Variants in CADPS2 observed in about 807,000 individuals in gnomAD.
CADPS2 encodes the protein calcium-dependent secretion activator 2.
A neutral mutation model predicts 172.5 loss-of-function variants in CADPS2; 93 were observed. The ratio of observed to expected loss-of-function variants is 0.54; its 90% confidence interval spans 0.46 to 0.64. The LOEUF is 0.64. Among genes scored for constraint, CADPS2 ranks in the 30% least tolerant of loss-of-function variants. The pLI is 0.00. For synonymous variants in CADPS2, 546 were observed against 555.2 expected (o/e 0.98, Z 0.23); for missense variants, 1,420 against 1,565.9 (o/e 0.91, Z 1.57).
chr7:122,480,047 C>T lies in CADPS2; in HGVS notation c.1861+805G>A, dbSNP rs1009170260. On this transcript the variant is annotated intron_variant, in intron 12 of 29. Coordinates refer to ENST00000449022, the MANE Select transcript of CADPS2 (RefSeq NM_017954.11). ...TGCACTGCATTTTGGTTGGAGAGAA[C>T]AAAGTACAGTTTAACCAAAGAATGT... 6.8e-5 allele frequency: 32 copies of T among 467,478 alleles called. No homozygotes were observed. The Admixed American group carries it at 7.6e-4, about 11-fold the overall frequency. 29.0% of individuals were successfully genotyped at this position (467,478 alleles called of 1,614,324 possible).
At chr7:122,808,807 G>A (rs1048620228) in intron 1 of CADPS2, among the ~76,000 whole-genome samples, 1 of 152,194 alleles carries the variant, frequency 6.6e-6, no homozygotes, top group East Asian at 1.9e-4. Flanking sequence ...ACTATCACTA[G>A]ATTGGTTACT....
chr7:122,367,469 G>A (rs1452691568), intron 25 of CADPS2, among the ~76,000 whole-genome samples: 1 of 150,688 alleles, frequency 6.6e-6, no homozygotes, highest in Non-Finnish European at 1.5e-5. Flanking sequence ...GCCCTGTTCA[G>A]CAGTGCTTTC....
intron 1 of CADPS2, among the ~76,000 whole-genome samples, chr7:122,818,535 A>G (rs71585570): frequency 6.6e-6 from 1 of 151,948 alleles, no homozygotes; most frequent in Non-Finnish European, 1.5e-5. Context: ...CCCAAGCATC[A>G]CTGAGTCTTT....
At chr7:122,748,262 C>G (rs1187567269) in intron 1 of CADPS2, among the ~76,000 whole-genome samples, 5 of 152,102 alleles carry the variant, frequency 3.3e-5, no homozygotes, top group Admixed American at 3.3e-4. Context: ...AGTTCATGGA[C>G]AGACTCAATG....
At chr7:122,638,908 C>T (rs1156881699) in intron 3 of CADPS2, among the ~76,000 whole-genome samples, 2 of 152,202 alleles carry the variant, frequency 1.3e-5, no homozygotes, top group Non-Finnish European at 2.9e-5. Context: ...CATGTTTACT[C>T]GTCACTATTT....
intron 3 of CADPS2, among the ~76,000 whole-genome samples, chr7:122,660,759 A>T (rs1563991631): frequency 6.6e-6 from 1 of 152,070 alleles, no homozygotes; most frequent in Non-Finnish European, 1.5e-5. Context: ...AAATACAAAA[A>T]TTAGCCAGGC....
rs182296646 is a variant in CADPS2 at position 122,797,597 on chromosome 7, T to G, written c.340-60529A>C. On this transcript the variant is annotated intron_variant, in intron 1 of 29. Transcript: ENST00000449022. ...TATCCTTAGCAAACTAATGCAGGAA[T>G]GGAAAACTAAATACCACGTTATCAT... is the stretch of plus-strand genomic sequence containing the variant. Among the ~76,000 whole-genome samples, 3 of 152,208 alleles carry G rather than the reference T, an allele frequency of 2.0e-5. No individual in the cohort carries two copies. The East Asian group carries it at 5.8e-4, about 29-fold the overall frequency.
chr7:122,483,720 G>A (rs2057528781), intron 11 of CADPS2, among the ~76,000 whole-genome samples: 2 of 151,920 alleles, frequency 1.3e-5, no homozygotes, highest in Admixed American at 6.6e-5. Context: ...AGCCAAGAGA[G>A]GAGAAATAGA....
intron 6 of CADPS2, among the ~76,000 whole-genome samples, chr7:122,603,928 T>G (rs1437240493): frequency 6.6e-6 from 1 of 152,146 alleles, no homozygotes; most frequent in African/African-American, 2.4e-5. Flanking sequence ...AGTACACATT[T>G]TCAGTTATAA....
chr7:122,758,446 C>T (rs2093255317), intron 1 of CADPS2, among the ~76,000 whole-genome samples: 1 of 152,132 alleles, frequency 6.6e-6, no homozygotes, highest in African/African-American at 2.4e-5. Context: ...AAAGCAAATG[C>T]AATCTCACAT....
chr7:122,393,960 T>C (rs1008639454), intron 20 of CADPS2, among the ~76,000 whole-genome samples: 3 of 152,218 alleles, frequency 2.0e-5, no homozygotes, highest in African/African-American at 4.8e-5. Context: ...AGAGTTACAA[T>C]CTCTGTGCTA....
At chr7:122,743,113 T>A (rs1401651982) in intron 1 of CADPS2, among the ~76,000 whole-genome samples, 1 of 152,096 alleles carries the variant, frequency 6.6e-6, no homozygotes, top group Non-Finnish European at 1.5e-5. Context: ...ATAAGGCACA[T>A]CCTATATAAA....
intron 7 of CADPS2, among the ~76,000 whole-genome samples, chr7:122,571,069 C>G (rs377074253): frequency 1.3e-5 from 2 of 151,882 alleles, no homozygotes; most frequent in Middle Eastern, 3.4e-3. Context: ...AATAACAGGA[C>G]AAGCCAAAGA....
chr7:122,758,746 A>G (rs2138650966), intron 1 of CADPS2, among the ~76,000 whole-genome samples: 1 of 152,282 alleles, frequency 6.6e-6, no homozygotes, highest in Non-Finnish European at 1.5e-5. Context: ...AGAATTAGAA[A>G]GTACTGGGTT....
intron 6 of CADPS2, among the ~76,000 whole-genome samples, chr7:122,598,663 A>G (rs2072272173): frequency 6.6e-6 from 1 of 152,128 alleles, no homozygotes; most frequent in African/African-American, 2.4e-5. Context: ...GAATATCTAT[A>G]GTTTTATAGG....
At chr7:122,664,315 C>A (rs566075492) in intron 2 of CADPS2, among the ~76,000 whole-genome samples, 3 of 152,182 alleles carry the variant, frequency 2.0e-5, no homozygotes, top group Admixed American at 2.0e-4. Flanking sequence ...CCTGATTTTA[C>A]CACCTCTGCA....
intron 2 of CADPS2, chr7:122,702,358 G>C: frequency 6.2e-7 from 1 of 1,613,814 alleles, no homozygotes; most frequent in Non-Finnish European, 8.5e-7. Context: ...TACCTTGATA[G>C]TTGTAGATGA....
chr7:122,690,619 T>C (rs1369647469), intron 2 of CADPS2, among the ~76,000 whole-genome samples: 1 of 152,174 alleles, frequency 6.6e-6, no homozygotes, highest in Non-Finnish European at 1.5e-5. Context: ...TCGTAACTGG[T>C]TGGAGAAGGT....
At chr7:122,426,949 T>A (rs10275217) in intron 17 of CADPS2, among the ~76,000 whole-genome samples, 8,126 of 152,288 alleles carry the variant, frequency 0.053, 528 homozygotes, top group African/African-American at 0.15. Flanking sequence ...CAAACTGACA[T>A]CCTTCTGGAT....
Sources: gnomAD v4.1 joint callset for allele counts (sites outside exome capture counted in the v4.1 genomes callset) on GRCh38, gnomAD v4.1.1 for gene constraint, MANE v1.5 for transcripts, NCBI Gene and HGNC (gene_info 2026-07-23, HGNC 2026-07-21) for gene names.